Variants in TP53BP2 observed in about 807,000 individuals in gnomAD.
The protein encoded by TP53BP2 is apoptosis-stimulating of p53 protein 2.
In TP53BP2, 62 loss-of-function variants were observed where a neutral mutation model predicts 126.2. That is an observed-to-expected ratio of 0.49 (90% CI 0.40 to 0.61). The LOEUF (loss-of-function observed/expected upper bound fraction) is 0.61, where lower values mean the gene tolerates loss of function less well. Among genes scored for constraint, TP53BP2 ranks in the 20% least tolerant of loss-of-function variants. The pLI, the probability that TP53BP2 is intolerant of heterozygous loss-of-function variation, is 0.00. For synonymous variants in TP53BP2, 485 were observed against 502.9 expected (o/e 0.96, Z 0.48); for missense variants, 1,215 against 1,402.8 (o/e 0.87, Z 2.14).
intron 1 of TP53BP2, among the ~76,000 whole-genome samples, chr1:223,835,196 T>C (rs1411319863): frequency 6.6e-6 from 1 of 152,242 alleles, no homozygotes; most frequent in African/African-American, 2.4e-5. Flanking sequence ...TACTTCACAG[T>C]GAATGTTTTC....
At chr1:223,801,368 A>G (rs980000526) in intron 9 of TP53BP2, among the ~76,000 whole-genome samples, 3 of 152,252 alleles carry the variant, frequency 2.0e-5, no homozygotes, top group Non-Finnish European at 4.4e-5. Context: ...AGTAGTAGTT[A>G]TGGTAAAATA....
Position 223,796,179 on chromosome 1 carries a change from G to A in TP53BP2, c.2360C>T (p.Ser787Leu), listed in dbSNP as rs1558091942. The A allele has an allele frequency of 6.2e-7, 1 of 1,614,184 alleles. No individual in the cohort carries two copies. The highest frequency in any genetic ancestry group is 2.2e-5 in the East Asian group (1 of 44,886). Residue 787 changes from serine (S) to leucine (L), a missense_variant, in exon 13 of 18, where the codon TCA becomes TTA. Ser to Leu is a moderately radical substitution (Grantham distance 145, BLOSUM62 -2). Coordinates refer to ENST00000343537, the MANE Select transcript of TP53BP2 (RefSeq NM_001031685.3). This position sits in a 1 kb window ranked among gnomAD's most constrained non-coding sequence, Gnocchi z 4.2. ...PSKSASVTAS[S>L]ESPVEIQNPY... is the part of the protein sequence containing the mutation. ...ATTCTGGATTTCTACTGGGCTTTCT[G>A]AGCTGGCAGTCACAGAAGCTGACTT...
chr1:223,814,413 TCAC>T (rs1490235093), intron 2 of TP53BP2, 60 bp from the exon 3 acceptor site: 1 of 1,178,302 alleles, frequency 8.5e-7, no homozygotes, highest in Admixed American at 1.8e-5. Context: ...AATATATCAT[TCAC>T]CATCTATCCT....
At chr1:223,797,845 T>TACAC (rs139814982) in intron 12 of TP53BP2, among the ~76,000 whole-genome samples, 1 of 151,264 alleles carries the variant, frequency 6.6e-6, no homozygotes, top group Non-Finnish European at 1.5e-5. Context: ...TATATGTATA[T>TACAC]ACACACACAC....
At chr1:223,790,944 G>C (rs1268410173) in intron 15 of TP53BP2, among the ~76,000 whole-genome samples, 1 of 152,076 alleles carries the variant, frequency 6.6e-6, no homozygotes, top group Non-Finnish European at 1.5e-5. Context: ...TATTACTATA[G>C]ATTTTTTCAC....
At chr1:223,799,651 A>C (rs1415509894) in intron 11 of TP53BP2, among the ~76,000 whole-genome samples, 1 of 152,216 alleles carries the variant, frequency 6.6e-6, no homozygotes, top group Non-Finnish European at 1.5e-5. Flanking sequence ...TCTTCGATGC[A>C]CTTATACTTT....
chr1:223,800,896 A>G, intron 9 of TP53BP2, 86 bp from the exon 10 acceptor site: 2 of 912,780 alleles, frequency 2.2e-6, no homozygotes, highest in South Asian at 1.6e-5. Flanking sequence ...TTAATCTCTA[A>G]AAACAGCTTT....
intron 1 of TP53BP2, among the ~76,000 whole-genome samples, chr1:223,832,106 T>C (rs559006383): frequency 3.3e-5 from 5 of 152,188 alleles, no homozygotes; most frequent in African/African-American, 1.2e-4. Context: ...CATTTATTCA[T>C]TTGATTCAGA....
At chr1:223,831,972 T>C (rs1571874599) in intron 1 of TP53BP2, among the ~76,000 whole-genome samples, 1 of 152,092 alleles carries the variant, frequency 6.6e-6, no homozygotes, top group Non-Finnish European at 1.5e-5. Flanking sequence ...GATGTTATGC[T>C]ATCAACATAA....
intron 1 of TP53BP2, among the ~76,000 whole-genome samples, chr1:223,822,050 C>T (rs138887274): frequency 6.6e-6 from 1 of 152,026 alleles, no homozygotes; most frequent in East Asian, 1.9e-4. Context: ...TGCCATATCA[C>T]ACCACACCAC....
intron 14 of TP53BP2, 121 bp downstream of exon 14, chr1:223,793,182 T>C: frequency 6.4e-6 from 5 of 780,970 alleles, no homozygotes. Flanking sequence ...AGTCGCTTTC[T>C]AATTAGAGCT....
intron 8 of TP53BP2, 42 bp from the exon 9 acceptor site, chr1:223,802,386 T>A: frequency 6.4e-7 from 1 of 1,551,486 alleles, no homozygotes; most frequent in Middle Eastern, 1.7e-4. Flanking sequence ...AAAAATCATC[T>A]CAGGTGATCA....
intron 1 of TP53BP2, among the ~76,000 whole-genome samples, chr1:223,837,145 TAAA>T (rs1184963401): frequency 6.3e-5 from 4 of 63,536 alleles, no homozygotes; most frequent in Non-Finnish European, 8.6e-5. Flanking sequence ...GTTTTAAAAT[TAAA>T]AAAAAAAGGG....
Position 223,804,279 on chromosome 1 carries a change from G to C in TP53BP2, c.544C>G (p.Leu182Val). 1 of 1,613,918 alleles carries C rather than the reference G, an allele frequency of 6.2e-7. No homozygotes were observed. The highest frequency in any genetic ancestry group is 1.7e-5 in the Admixed American group (1 of 59,986). Residue 182 changes from leucine to valine, a missense_variant, in exon 6 of 18, where the codon CTT (leucine) becomes GTT (valine). Physicochemically the swap from Leu to Val is conservative, Grantham distance 32 (BLOSUM62 1). Coordinates refer to ENST00000343537, the MANE Select transcript of TP53BP2 (RefSeq NM_001031685.3). The part of the protein sequence containing the change: ...QQQQVAEQEK[L>V]KRLKEIAENQ... ...TCAGCTATTTCTTTTAGCCTTTTAA[G>C]TTTCTCCTGCTCAGCAACTTGTTGC...
At chr1:223,841,137 G>A (rs1664087672) in intron 1 of TP53BP2, among the ~76,000 whole-genome samples, 1 of 152,132 alleles carries the variant, frequency 6.6e-6, no homozygotes, top group African/African-American at 2.4e-5. Context: ...CAGCTACTCG[G>A]GAGGCTGAGG....
chr1:223,829,391 A>G (rs1663617385), intron 1 of TP53BP2, among the ~76,000 whole-genome samples: 1 of 152,208 alleles, frequency 6.6e-6, no homozygotes, highest in African/African-American at 2.4e-5. Context: ...GAAATGAAAA[A>G]GATGATTATG....
At position 223,780,799 on chromosome 1, in the gene TP53BP2, A is replaced by C; in HGVS notation, c.*54T>G. On this transcript the variant is annotated 3_prime_UTR_variant, in exon 18 of 18. Coordinates refer to ENST00000343537, the MANE Select transcript of TP53BP2 (RefSeq NM_001031685.3). ...AATTTTTGCCAAAAATAATCGTATT[A>C]CTTCTTCTTAACAGAGATTAATTCT... 6.4e-7 allele frequency: 1 copy of C among 1,574,764 alleles called. No individual in the cohort carries two copies.
At chr1:223,781,755 A>C (rs1661785611) in intron 17 of TP53BP2, among the ~76,000 whole-genome samples, 1 of 152,188 alleles carries the variant, frequency 6.6e-6, no homozygotes, top group Non-Finnish European at 1.5e-5. Flanking sequence ...TAGCTAATAC[A>C]ATTTTCTAGA....
In TP53BP2 at chr1:223,821,277, G is replaced by C. The variant is rs774606101; in HGVS notation, c.118C>G (p.Leu40Val). 3.8e-5 allele frequency: 61 copies of C among 1,613,962 alleles called. No individual in the cohort carries two copies. Among genetic ancestry groups the C allele is most frequent in the Non-Finnish European group, 4.7e-5 (56 of 1,179,922 alleles). Residue 40 changes from leucine to valine, a missense_variant, in exon 2 of 18, where the codon CTG becomes GTG. By Grantham distance (32) the Leu-to-Val change is conservative. Transcript: ENST00000343537. ...TCACTCTCGCCGGGTTCTTTGCACAGATCCACCACGTCTCTGCATATTGTT... is the reference window on the plus strand; with the variant it reads ...TCACTCTCGCCGGGTTCTTTGCACACATCCACCACGTCTCTGCATATTGTT... Reference protein sequence around the residue: ...PETICRDVVDLCKEPGESDCH... With the variant: ...PETICRDVVDVCKEPGESDCH...
Sources: gnomAD v4.1 joint callset for allele counts (sites outside exome capture counted in the v4.1 genomes callset) on GRCh38, gnomAD v4.1.1 for gene constraint, Gnocchi (gnomAD v3.1) non-coding constraint, MANE v1.5 for transcripts, NCBI Gene and HGNC (gene_info 2026-07-23, HGNC 2026-07-21) for gene names.